CACNA2D3: variants seen among roughly 807,000 people sequenced by gnomAD.
CACNA2D3 encodes the protein calcium voltage-gated channel auxiliary subunit alpha2delta 3.
A neutral mutation model predicts 160.6 loss-of-function variants in CACNA2D3; 60 were observed. The ratio of observed to expected loss-of-function variants is 0.37; its 90% CI spans 0.30 to 0.46. The LOEUF is 0.46. Ranked by LOEUF, CACNA2D3 falls within the 20% of genes least tolerant of loss-of-function variation. The probability of loss-of-function intolerance (pLI) is 1.00; values close to 1 mark genes in which losing one functional copy is unlikely to be tolerated. For missense variants in CACNA2D3, 1,205 were observed against 1,365.0 expected (o/e 0.88, Z 1.85); for synonymous variants, 558 against 492.9 (o/e 1.13, Z -1.75).
intron 30 of CACNA2D3, among the ~76,000 whole-genome samples, chr3:54,986,568 TC>T (rs1702617090): frequency 1.3e-5 from 2 of 152,152 alleles, no homozygotes; most frequent in African/African-American, 4.8e-5. Context: ...CCTCCTTTTC[TC>T]CCCCTTTACA....
chr3:54,745,712 A>G (rs1701742162), intron 11 of CACNA2D3, among the ~76,000 whole-genome samples: 3 of 152,218 alleles, frequency 2.0e-5, no homozygotes, highest in African/African-American at 7.2e-5. Flanking sequence ...TGGATGGCCA[A>G]GAAACACCTG....
At chr3:54,845,458 C>G (rs1457208486) in intron 16 of CACNA2D3, among the ~76,000 whole-genome samples, 1 of 151,996 alleles carries the variant, frequency 6.6e-6, no homozygotes, top group African/African-American at 2.4e-5. Context: ...TTTTCTTCTC[C>G]CCTTTCACTG....
At chr3:54,626,284 C>G (rs895347740) in intron 9 of CACNA2D3, 1 of 1,472,590 alleles carries the variant, frequency 6.8e-7, no homozygotes, top group African/African-American at 1.4e-5. Flanking sequence ...CCTGGACCAG[C>G]TGCTGGACAT....
chr3:54,324,020 T>C (rs1704068800), intron 3 of CACNA2D3, among the ~76,000 whole-genome samples: 1 of 152,170 alleles, frequency 6.6e-6, no homozygotes, highest in African/African-American at 2.4e-5. Flanking sequence ...CATTGGTGTA[T>C]ATAAAATATT....
intron 5 of CACNA2D3, among the ~76,000 whole-genome samples, chr3:54,515,601 A>G (rs1701537786): frequency 1.3e-5 from 2 of 152,218 alleles, no homozygotes. Flanking sequence ...CTACCTTTGC[A>G]GGAGATTGTG....
chr3:54,370,701 T>C (rs1575419502), intron 3 of CACNA2D3, among the ~76,000 whole-genome samples: 1 of 152,178 alleles, frequency 6.6e-6, no homozygotes, highest in East Asian at 1.9e-4. Flanking sequence ...GTAACAGTTT[T>C]ATTGAAATAG....
At chr3:54,293,517 G>A (rs184404504) in intron 2 of CACNA2D3, among the ~76,000 whole-genome samples, 1 of 151,912 alleles carries the variant, frequency 6.6e-6, no homozygotes, top group South Asian at 2.1e-4. Context: ...CCAGGTTACT[G>A]TGAATGCCAT....
At chr3:54,315,366 C>A (rs570561483) in intron 2 of CACNA2D3, among the ~76,000 whole-genome samples, 2 of 152,212 alleles carry the variant, frequency 1.3e-5, no homozygotes, top group Admixed American at 1.3e-4. Context: ...TTGGAACAGT[C>A]GTGTAAACTG....
Position 54,292,448 on chromosome 3 carries a change from A to G in CACNA2D3, c.205-27994A>G, listed in dbSNP as rs565938784. ...TATATCTGATAAAAGACTTGTTTCT[A>G]GAATATACCAAAAACCCTTACAGCT... is the stretch of plus-strand genomic sequence containing the variant. On this transcript the variant is annotated intron_variant, in intron 2 of 37. Transcript: ENST00000474759. 1.4e-4 allele frequency among the ~76,000 whole-genome samples: 21 copies of G among 152,336 alleles called. No individual in the cohort carries two copies. The South Asian group carries it at 3.9e-3, about 29-fold the overall frequency.
chr3:54,721,095 C>G (rs1463549321), intron 11 of CACNA2D3, among the ~76,000 whole-genome samples: 1 of 152,034 alleles, frequency 6.6e-6, no homozygotes, highest in African/African-American at 2.4e-5. Context: ...AGTGATTACC[C>G]TAGAGGTTAT....
rs58289082 is a variant in CACNA2D3, at chr3:54,911,351, C to CTTTTTTTTTTTTTTTTTTTTT, written c.2449+11485_2449+11505dup. On this transcript the variant is annotated intron_variant, in intron 27 of 37. Coordinates refer to ENST00000474759, the MANE Select transcript of CACNA2D3 (RefSeq NM_018398.3). Reference sequence around the variant, plus strand: ...CCTCCTCCCCCTCCTTCTTTGTCGTCTTTTTTTTTTTTTTTTTTTTTTAAA... The same window carrying CTTTTTTTTTTTTTTTTTTTTT: ...CCTCCTCCCCCTCCTTCTTTGTCGTCTTTTTTTTTTTTTTTTTTTTTTTTTTTTTTTTTTTTTTTTTTTAAA... Among the ~76,000 whole-genome samples the CTTTTTTTTTTTTTTTTTTTTT allele has an allele frequency of 3.4e-5, 2 of 58,584 alleles. 1 individual carries two copies. Among genetic ancestry groups the CTTTTTTTTTTTTTTTTTTTTT allele is most frequent in the African/African-American group, 1.8e-4 (2 of 11,312 alleles). The allele number at this position is 58,584 out of a possible 152,430, so 38.4% of individuals were successfully genotyped here.
chr3:54,331,346 T>G (rs1026039632), intron 3 of CACNA2D3, among the ~76,000 whole-genome samples: 29 of 152,156 alleles, frequency 1.9e-4, no homozygotes, highest in Admixed American at 2.6e-4. Context: ...CCGTAGTCGT[T>G]TATTTGCTAC....
chr3:54,228,866 G>A (rs186983030), intron 2 of CACNA2D3, among the ~76,000 whole-genome samples: 5 of 152,172 alleles, frequency 3.3e-5, no homozygotes, highest in African/African-American at 7.2e-5. Context: ...GTGCCCTGCC[G>A]CTCTTCTCTG....
chr3:55,054,692 A>G (rs1354942077), intron 35 of CACNA2D3, among the ~76,000 whole-genome samples: 1 of 151,822 alleles, frequency 6.6e-6, no homozygotes, highest in Non-Finnish European at 1.5e-5. Flanking sequence ...TCTTCTGTTG[A>G]CTATTTTGTC....
chr3:54,895,515 C>T (rs1174777122), intron 25 of CACNA2D3, among the ~76,000 whole-genome samples: 1 of 152,200 alleles, frequency 6.6e-6, no homozygotes, highest in Non-Finnish European at 1.5e-5. Flanking sequence ...CACCCTGCAA[C>T]TACTGAATGC....
At chr3:54,843,329 A>G (rs1293248044) in intron 16 of CACNA2D3, among the ~76,000 whole-genome samples, 1 of 152,224 alleles carries the variant, frequency 6.6e-6, no homozygotes, top group East Asian at 1.9e-4. Flanking sequence ...AGCAAAGTGC[A>G]GGTCAGGAGA....
At chr3:54,155,288 A>G (rs923119028) in intron 2 of CACNA2D3, among the ~76,000 whole-genome samples, 8 of 152,206 alleles carry the variant, frequency 5.3e-5, no homozygotes, top group Admixed American at 3.3e-4. Context: ...TGCTGGGCTC[A>G]GAGTACTCCC....
chr3:54,687,147 T>TG (rs1700478137), intron 11 of CACNA2D3, among the ~76,000 whole-genome samples: 5 of 79,408 alleles, frequency 6.3e-5, no homozygotes, highest in African/African-American at 2.7e-4. Context: ...TTTTTTTTTT[T>TG]TTTGTTTTTT....
At chr3:54,348,017 T>C (rs1698489034) in intron 3 of CACNA2D3, among the ~76,000 whole-genome samples, 1 of 152,220 alleles carries the variant, frequency 6.6e-6, no homozygotes, top group African/African-American at 2.4e-5. Context: ...CCTATGTATG[T>C]ATGTGAATAC....
Sources: gnomAD v4.1 joint callset for allele counts (sites outside exome capture counted in the v4.1 genomes callset) on GRCh38, gnomAD v4.1.1 for gene constraint, MANE v1.5 for transcripts, NCBI Gene and HGNC (gene_info 2026-07-23, HGNC 2026-07-21) for gene names.